Variants in MAGI2 observed in about 807,000 individuals in gnomAD.
MAGI2 encodes membrane-associated guanylate kinase, WW and PDZ domain-containing protein 2.
A neutral mutation model predicts 133.3 loss-of-function variants in MAGI2; 35 were observed. The ratio of observed to expected loss-of-function variants is 0.26; its 90% CI spans 0.20 to 0.35. The LOEUF (loss-of-function observed/expected upper bound fraction) is 0.35, where lower values mean the gene tolerates loss of function less well. Among genes scored for constraint, MAGI2 ranks in the 10% least tolerant of loss-of-function variants. The probability of loss-of-function intolerance (pLI) is 1.00; values close to 1 mark genes in which losing one functional copy is unlikely to be tolerated. For synonymous variants in MAGI2, 729 were observed against 710.6 expected (o/e 1.03, Z -0.41); for missense variants, 1,636 against 1,863.4 (o/e 0.88, Z 2.25).
chr7:78,172,551 A>G (rs1826214102), intron 14 of MAGI2, among the ~76,000 whole-genome samples: 2 of 152,038 alleles, frequency 1.3e-5, no homozygotes, highest in Non-Finnish European at 2.9e-5. Context: ...TTCTATTGTT[A>G]TTTAACTGTG....
chr7:78,039,853 A>G (rs899522106), intron 21 of MAGI2, among the ~76,000 whole-genome samples: 3 of 152,232 alleles, frequency 2.0e-5, no homozygotes, highest in African/African-American at 7.2e-5. Flanking sequence ...AATTGCTTGA[A>G]AAATGTGGGG....
At chr7:79,161,081 ATATAAT>A in intron 1 of MAGI2, among the ~76,000 whole-genome samples, 1 of 151,880 alleles carries the variant, frequency 6.6e-6, no homozygotes, top group Admixed American at 6.6e-5. Flanking sequence ...TTATAAAATT[ATATAAT>A]TATAATTATA....
chr7:78,981,458 C>T (rs1047521458), intron 2 of MAGI2, among the ~76,000 whole-genome samples: 1 of 151,672 alleles, frequency 6.6e-6, no homozygotes, highest in Non-Finnish European at 1.5e-5. Flanking sequence ...TTTCTGATTT[C>T]AATCTATGTC....
At chr7:78,852,356 T>G (rs187587982) in intron 2 of MAGI2, among the ~76,000 whole-genome samples, 58 of 151,546 alleles carry the variant, frequency 3.8e-4, no homozygotes, top group African/African-American at 1.4e-3. Context: ...TTTCTCATGA[T>G]TTTTTTCACG....
Position 78,343,780 on chromosome 7 carries a change from G to A in MAGI2, c.1406C>T (p.Thr469Ile), listed in dbSNP as rs770681130. The change falls in exon 9 of 22, where the codon ACA (threonine) becomes ATA (isoleucine). Residue 469 changes from threonine to isoleucine, a missense_variant and splice_region_variant. This residue lies in a region of MAGI2 where 920 missense variants were observed against 1,093.5 expected (regional missense o/e 0.84). Transcript: ENST00000354212. ...TTCTAAACCATGAAGGACCTTACCT[G>A]TTTCCATTTTTCCATCCTGTGCTGC... is the stretch of plus-strand genomic sequence containing the variant. ...GPAAQDGKME[T>I]GDVIVYINEV... The A allele has an allele frequency of 8.4e-6, 13 of 1,550,774 alleles. No individual in the cohort carries two copies. The highest frequency in any genetic ancestry group is 1.1e-5 in the Non-Finnish European group (13 of 1,152,740).
At chr7:78,580,491 G>A (rs949507348) in intron 3 of MAGI2, among the ~76,000 whole-genome samples, 2 of 152,186 alleles carry the variant, frequency 1.3e-5, no homozygotes, top group Admixed American at 1.3e-4. Context: ...ACACAGACTG[G>A]TGAGGCAGAA....
At chr7:79,011,884 T>TTCCTTCCTTCCTTCCTTC (rs1562785044) in intron 1 of MAGI2, among the ~76,000 whole-genome samples, 3 of 103,312 alleles carry the variant, frequency 2.9e-5, no homozygotes, top group East Asian at 2.8e-4. Flanking sequence ...TTCCTTCCTT[T>TTCCTTCCTTCCTTCCTTC]CTTCCTTCCT....
chr7:78,329,184 T>C (rs745783291), intron 9 of MAGI2, among the ~76,000 whole-genome samples: 9 of 152,186 alleles, frequency 5.9e-5, no homozygotes, highest in Non-Finnish European at 8.8e-5. Flanking sequence ...ATTAATTACA[T>C]TGGATACAGG....
At chr7:78,858,247 T>C (rs1200917798) in intron 2 of MAGI2, among the ~76,000 whole-genome samples, 1 of 152,192 alleles carries the variant, frequency 6.6e-6, no homozygotes, top group Non-Finnish European at 1.5e-5. Context: ...TGTGTCTCTA[T>C]CTCCTTCAGT....
At chr7:79,279,149 G>A (rs370374935) in intron 1 of MAGI2, among the ~76,000 whole-genome samples, 8 of 152,064 alleles carry the variant, frequency 5.3e-5, no homozygotes, top group Non-Finnish European at 1.0e-4. Context: ...TTTTTGAAGC[G>A]TGGTTCTTTG....
chr7:78,281,728 A>AGGTATTTT, intron 9 of MAGI2, among the ~76,000 whole-genome samples: 2 of 101,416 alleles, frequency 2.0e-5, no homozygotes, highest in East Asian at 7.2e-4. Flanking sequence ...TCAGAAAGCT[A>AGGTATTTT]CACATTATCC....
chr7:78,133,897 C>T (rs1457129197), intron 17 of MAGI2, among the ~76,000 whole-genome samples: 2 of 152,114 alleles, frequency 1.3e-5, no homozygotes, highest in African/African-American at 4.8e-5. Context: ...TAGCATTCCC[C>T]TATGAACTCT....
At chr7:79,048,381 T>C (rs894799058) in intron 1 of MAGI2, among the ~76,000 whole-genome samples, 1 of 152,234 alleles carries the variant, frequency 6.6e-6, no homozygotes, top group South Asian at 2.1e-4. Flanking sequence ...AATGCCACGA[T>C]GTTCTCCAAT....
intron 2 of MAGI2, among the ~76,000 whole-genome samples, chr7:78,997,607 A>C (rs1335459436): frequency 7.0e-6 from 1 of 143,310 alleles, no homozygotes. Context: ...ATCTCAATTA[A>C]AAAAAAAAAA....
At chr7:78,976,821 G>T (rs1240072766) in intron 2 of MAGI2, among the ~76,000 whole-genome samples, 1 of 150,892 alleles carries the variant, frequency 6.6e-6, no homozygotes, top group Non-Finnish European at 1.5e-5. Flanking sequence ...ATAAAAAATT[G>T]GAATTTGAAA....
chr7:78,105,662 T>A (rs1163161448), intron 20 of MAGI2, among the ~76,000 whole-genome samples: 1 of 152,210 alleles, frequency 6.6e-6, no homozygotes, highest in Non-Finnish European at 1.5e-5. Context: ...GTGATATGCG[T>A]GTTGCCTCTT....
chr7:78,572,543 A>C (rs1801609850), intron 3 of MAGI2, among the ~76,000 whole-genome samples: 1 of 152,070 alleles, frequency 6.6e-6, no homozygotes, highest in African/African-American at 2.4e-5. Context: ...TTTTAGACAA[A>C]TTGTCCTACA....
At chr7:78,989,637 C>T (rs184578742) in intron 2 of MAGI2, among the ~76,000 whole-genome samples, 10 of 152,116 alleles carry the variant, frequency 6.6e-5, no homozygotes, top group Admixed American at 2.0e-4. Context: ...CCCCTGTATC[C>T]GAGAGTTCAT....
intron 3 of MAGI2, chr7:78,615,660 G>A (rs1807005157): frequency 6.6e-6 from 1 of 152,194 alleles, no homozygotes; most frequent in Admixed American, 6.5e-5. Context: ...ATATGGCATG[G>A]AGGTAAAAGA....
Sources: allele counts gnomAD v4.1 joint callset (sites outside exome capture counted in the v4.1 genomes callset), GRCh38; gene constraint gnomAD v4.1.1; regional missense constraint gnomAD v4.1.1; transcripts MANE v1.5; gene names NCBI Gene and HGNC (gene_info 2026-07-23, HGNC 2026-07-21).